Variants in GRM7 observed in about 807,000 individuals in gnomAD.
The protein encoded by GRM7 is glutamate metabotropic receptor 7.
In GRM7, 35 loss-of-function variants were observed where a neutral mutation model predicts 84.5. That is an observed-to-expected ratio of 0.41 (90% CI 0.32 to 0.55). The LOEUF is 0.55. Ranked by LOEUF, GRM7 falls within the 20% of genes least tolerant of loss-of-function variation. The pLI, the probability that GRM7 is intolerant of heterozygous loss-of-function variation, is 0.19. For synonymous variants in GRM7, 487 were observed against 455.1 expected (o/e 1.07, Z -0.89); for missense variants, 1,003 against 1,194.6 (o/e 0.84, Z 2.36).
At chr3:7,606,995 G>C (rs997733423) in intron 8 of GRM7, 4 of 152,126 alleles carry the variant, frequency 2.6e-5, no homozygotes, top group Non-Finnish European at 4.4e-5. Flanking sequence ...AAGAAAATAA[G>C]CTCATCAAAA....
intron 1 of GRM7, among the ~76,000 whole-genome samples, chr3:7,097,063 G>T (rs1311642601): frequency 6.6e-6 from 1 of 152,012 alleles, no homozygotes; most frequent in Non-Finnish European, 1.5e-5. Context: ...TCCGAGTCTG[G>T]GGCACAATTT....
intron 2 of GRM7, among the ~76,000 whole-genome samples, chr3:7,205,140 A>G (rs1171848513): frequency 6.6e-6 from 1 of 152,204 alleles, no homozygotes; most frequent in Non-Finnish European, 1.5e-5. Context: ...TTGTCCTTTC[A>G]TAATTTAAGA....
intron 2 of GRM7, among the ~76,000 whole-genome samples, chr3:7,276,805 T>TCCTTCCTTCCTTCCTTCCCTTCCTCCC (rs1699086677): frequency 7.4e-4 from 1 of 1,346 alleles, no homozygotes; most frequent in African/African-American, 8.7e-4. Flanking sequence ...CTTCCTTCCT[T>TCCTTCCTTCCTTCCTTCCCTTCCTCCC]TTTGGTGGTG....
At chr3:6,895,393 G>A (rs1417212971) in intron 1 of GRM7, among the ~76,000 whole-genome samples, 1 of 152,124 alleles carries the variant, frequency 6.6e-6, no homozygotes, top group Non-Finnish European at 1.5e-5. Flanking sequence ...AATAATCTTA[G>A]CAACCACACT....
chr3:7,486,355 A>G lies in GRM7; in HGVS notation c.1515+24633A>G, dbSNP rs57526771. On this transcript the variant is annotated intron_variant, in intron 7 of 9. Coordinates refer to ENST00000357716, the MANE Select transcript of GRM7 (RefSeq NM_000844.4). This position sits in a 1 kb window ranked among gnomAD's most constrained non-coding sequence, Gnocchi z 5.5. The stretch of plus-strand genomic sequence containing the variant: ...TTTCTATCTCTGCTATGATTTGAAT[A>G]TGACTTGTCCTCAGCAAAACTGAGG... 0.016 allele frequency among the ~76,000 whole-genome samples: 2,420 copies of G among 152,248 alleles called. 79 individuals are homozygous for G. The highest frequency in any genetic ancestry group is 0.056 in the African/African-American group (2,318 of 41,556).
At chr3:7,392,496 T>C (rs903739676) in intron 4 of GRM7, among the ~76,000 whole-genome samples, 8 of 152,178 alleles carry the variant, frequency 5.3e-5, no homozygotes, top group African/African-American at 1.7e-4. Flanking sequence ...ATAATGTCTC[T>C]AAACTCCCAA....
At chr3:7,315,404 A>C (rs1700547258) in intron 4 of GRM7, among the ~76,000 whole-genome samples, 1 of 152,192 alleles carries the variant, frequency 6.6e-6, no homozygotes, top group Non-Finnish European at 1.5e-5. Context: ...CCTAGGCTTA[A>C]TGCTGTATAT....
intron 1 of GRM7, among the ~76,000 whole-genome samples, chr3:6,947,593 C>T (rs547865627): frequency 6.6e-6 from 1 of 152,292 alleles, no homozygotes; most frequent in Admixed American, 6.5e-5. Context: ...AGGATTCCCT[C>T]TTTTTCTATT....
intron 1 of GRM7, among the ~76,000 whole-genome samples, chr3:7,103,761 TCTTTCTTTCTTTCTTTC>T: frequency 1.7e-5 from 1 of 58,566 alleles, no homozygotes; most frequent in South Asian, 5.2e-4. Context: ...TTTCTTTCTT[TCTTTCTTTCTTTCTTTC>T]TTTCTTTCTT....
At chr3:7,050,620 A>G (rs902384743) in intron 1 of GRM7, among the ~76,000 whole-genome samples, 1 of 151,792 alleles carries the variant, frequency 6.6e-6, no homozygotes, top group Non-Finnish European at 1.5e-5. Flanking sequence ...CACAATCCTC[A>G]GAGCCAAATT....
intron 1 of GRM7, among the ~76,000 whole-genome samples, chr3:6,949,402 G>A (rs1245666667): frequency 1.3e-5 from 2 of 152,166 alleles, no homozygotes; most frequent in Non-Finnish European, 2.9e-5. Context: ...CTTCTGGCTT[G>A]TAGAGTTTCT....
intron 9 of GRM7, among the ~76,000 whole-genome samples, chr3:7,732,560 C>T (rs1455914690): frequency 1.3e-5 from 2 of 152,110 alleles, no homozygotes; most frequent in Non-Finnish European, 2.9e-5. Flanking sequence ...AAGGACATTA[C>T]CGAGAGGGAA....
intron 1 of GRM7, among the ~76,000 whole-genome samples, chr3:7,057,407 AAT>A (rs1245035715): frequency 6.6e-6 from 1 of 151,940 alleles, no homozygotes; most frequent in Non-Finnish European, 1.5e-5. Context: ...AGGTTGTAAA[AAT>A]ATGAGACGTT....
At chr3:7,541,928 C>A (rs1202664955) in intron 7 of GRM7, among the ~76,000 whole-genome samples, 2 of 152,164 alleles carry the variant, frequency 1.3e-5, no homozygotes, top group Non-Finnish European at 2.9e-5. Context: ...TAGAAATCTT[C>A]CTTGCCTCTT....
intron 1 of GRM7, among the ~76,000 whole-genome samples, chr3:6,927,445 AG>A (rs1188955659): frequency 2.1e-5 from 2 of 95,030 alleles, no homozygotes; most frequent in Admixed American, 2.2e-4. Context: ...AAGAAGAAAG[AG>A]AAGAAAGAAA....
intron 1 of GRM7, among the ~76,000 whole-genome samples, chr3:6,994,359 G>C (rs1422413061): frequency 6.6e-6 from 1 of 152,172 alleles, no homozygotes; most frequent in Non-Finnish European, 1.5e-5. Flanking sequence ...GGAAACCTGA[G>C]CATGTTAGCT....
At chr3:7,423,859 T>A (rs1280844993) in intron 5 of GRM7, among the ~76,000 whole-genome samples, 2 of 152,132 alleles carry the variant, frequency 1.3e-5, no homozygotes, top group African/African-American at 2.4e-5. Flanking sequence ...CGAACACATA[T>A]GGAGGCTGCT....
In GRM7 at chr3:7,578,411, T is replaced by C. The variant is rs755456480; in HGVS notation, c.1516-11T>C. ...TCTGCCTGATTCACCTTCTTATTTC[T>C]TATGTTACAGATAGAAGACATGCAG... On this transcript the variant is annotated splice_polypyrimidine_tract_variant and intron_variant, in intron 7 of 9. Transcript: ENST00000357716. The C allele has an allele frequency of 1.3e-6, 2 of 1,562,922 alleles. No homozygotes were observed. The highest frequency in any genetic ancestry group is 1.7e-4 in the Middle Eastern group (1 of 5,858).
At chr3:7,233,217 T>G (rs2124904601) in intron 2 of GRM7, among the ~76,000 whole-genome samples, 1 of 152,268 alleles carries the variant, frequency 6.6e-6, no homozygotes, top group Admixed American at 6.5e-5. Context: ...GAATTACATT[T>G]TGAACAGAGG....
Sources: allele counts gnomAD v4.1 joint callset (sites outside exome capture counted in the v4.1 genomes callset), GRCh38; gene constraint gnomAD v4.1.1; non-coding constraint Gnocchi (gnomAD v3.1); transcripts MANE v1.5; gene names NCBI Gene and HGNC (gene_info 2026-07-23, HGNC 2026-07-21).